Variants in TMC1 observed in about 807,000 individuals in gnomAD.
The protein encoded by TMC1 is transmembrane channel like 1, also known as transmembrane channel-like protein 1.
A neutral mutation model predicts 105.8 loss-of-function variants in TMC1; 84 were observed. The observed-to-expected ratio is 0.79, with a 90% CI of 0.67 to 0.95. The LOEUF is 0.95. TMC1 is among the 40% of genes least tolerant of loss of function. TMC1 has a pLI of 0.00. For missense variants in TMC1, 817 were observed against 914.1 expected, an observed-to-expected ratio of 0.89 and a Z score of 1.37; for synonymous variants, 315 against 311.5, an observed-to-expected ratio of 1.01 and a Z score of -0.12.
intron 8 of TMC1, among the ~76,000 whole-genome samples, chr9:72,733,421 C>T (rs1827247082): frequency 1.3e-5 from 2 of 151,980 alleles, no homozygotes; most frequent in African/African-American, 2.4e-5. Flanking sequence ...ACAATTCCCA[C>T]TTTCAATGGG....
intron 17 of TMC1, among the ~76,000 whole-genome samples, chr9:72,794,560 C>A (rs1413984651): frequency 6.6e-6 from 1 of 152,180 alleles, no homozygotes; most frequent in Non-Finnish European, 1.5e-5. Flanking sequence ...AAGTACTCAG[C>A]TTCAAATAAA....
intron 9 of TMC1, 95 bp from the exon 10 acceptor site, chr9:72,742,349 C>A: frequency 1.0e-6 from 1 of 961,728 alleles, no homozygotes; most frequent in East Asian, 2.5e-5. Context: ...GAGACATTTC[C>A]AAGCTTACTG....
At chr9:72,588,318 GGAT>G (rs1420468431) in intron 2 of TMC1, among the ~76,000 whole-genome samples, 1 of 149,432 alleles carries the variant, frequency 6.7e-6, no homozygotes, top group African/African-American at 2.4e-5. Flanking sequence ...GTTGCAATTT[GGAT>G]AGGGCTGTGT....
At chr9:72,794,330 C>T (rs1049482246) in intron 17 of TMC1, among the ~76,000 whole-genome samples, 1 of 152,088 alleles carries the variant, frequency 6.6e-6, no homozygotes, top group Non-Finnish European at 1.5e-5. Flanking sequence ...AGTGCCAAGC[C>T]GTAATCTACA....
chr9:72,714,893 C>T (rs574326573), intron 8 of TMC1, among the ~76,000 whole-genome samples: 18 of 152,064 alleles, frequency 1.2e-4, no homozygotes, highest in Non-Finnish European at 2.5e-4. Flanking sequence ...GTTTTTGCAG[C>T]GGCTGGTACT....
At chr9:72,531,365 A>G (rs1319899565) in intron 1 of TMC1, among the ~76,000 whole-genome samples, 1 of 152,200 alleles carries the variant, frequency 6.6e-6, no homozygotes, top group Non-Finnish European at 1.5e-5. Flanking sequence ...TTTTTTAAAC[A>G]CAATATGTAC....
At chr9:72,817,287 A>T (rs1321584897) in intron 19 of TMC1, 1 of 152,166 alleles carries the variant, frequency 6.6e-6, no homozygotes, top group Non-Finnish European at 1.5e-5. Flanking sequence ...CTCCTTTGTC[A>T]GGTAGGTTTA....
chr9:72,759,814 T>C (rs1323947310), intron 12 of TMC1, among the ~76,000 whole-genome samples: 1 of 152,228 alleles, frequency 6.6e-6, no homozygotes, highest in Admixed American at 6.5e-5. Flanking sequence ...CAGGGTCTTA[T>C]AGTTGTTAAG....
intron 12 of TMC1, among the ~76,000 whole-genome samples, chr9:72,768,957 A>G (rs1201425614): frequency 9.9e-5 from 15 of 152,186 alleles, no homozygotes; most frequent in Admixed American, 9.8e-4. Flanking sequence ...GGACCAGTCT[A>G]GGGTATAGAT....
At chr9:72,768,591 A>T (rs1000313336) in intron 12 of TMC1, among the ~76,000 whole-genome samples, 2 of 152,082 alleles carry the variant, frequency 1.3e-5, no homozygotes, top group Non-Finnish European at 2.9e-5. Flanking sequence ...ACTAATCATG[A>T]CTCTGCCTGC....
intron 23 of TMC1, among the ~76,000 whole-genome samples, chr9:72,834,686 T>C (rs1829094186): frequency 6.6e-6 from 1 of 152,172 alleles, no homozygotes; most frequent in African/African-American, 2.4e-5. Context: ...CTCCTTGTGG[T>C]CTTCTAACCC....
rs57741839 is a variant in TMC1, at chr9:72,607,002, T to TAGAG, written c.-305-9344_-305-9341dup. 2.8e-3 allele frequency among the ~76,000 whole-genome samples: 376 copies of TAGAG among 134,956 alleles called. 3 individuals carry two copies. The highest frequency in any genetic ancestry group is 8.6e-3 in the African/African-American group (307 of 35,752). 88.5% of individuals were successfully genotyped at this position (134,956 alleles called of 152,430 possible). A position where few individuals can be genotyped will look rare whatever the true frequency, so the allele number is the denominator to read the frequency against. ...GTGTGCATATATATATATATATATA[T>TAGAG]AGAGAGAGAGAGAGAGAGAGAGAGA... On this transcript the variant is annotated intron_variant, in intron 2 of 23. Coordinates refer to ENST00000297784, the MANE Select transcript of TMC1 (RefSeq NM_138691.3).
rs557339777 is a variant in TMC1 at position 72,818,315 on chromosome 9, C to T, written c.1763+2105C>T. On this transcript the variant is annotated intron_variant, in intron 19 of 23. Coordinates refer to ENST00000297784, the MANE Select transcript of TMC1 (RefSeq NM_138691.3). Reference sequence around the variant, plus strand: ...TTTACGCAGATGTTGTTAACATCAACATTTATAGATAAAATCCATTTTGCT... The same window carrying T: ...TTTACGCAGATGTTGTTAACATCAATATTTATAGATAAAATCCATTTTGCT... Among the ~76,000 whole-genome samples the T allele has an allele frequency of 1.3e-4, 20 of 152,280 alleles. No individual in the cohort carries two copies. In the South Asian group the frequency reaches 4.1e-3, roughly 32 times the overall value.
At chr9:72,791,786 G>A in intron 15 of TMC1, 100 bp from the exon 16 acceptor site, 1 of 982,394 alleles carries the variant, frequency 1.0e-6, no homozygotes, top group Non-Finnish European at 1.6e-6. Flanking sequence ...TCTTAAAAAA[G>A]ATCAAAGAAG....
At chr9:72,777,979 T>TA (rs2118144867) in intron 13 of TMC1, among the ~76,000 whole-genome samples, 1 of 152,354 alleles carries the variant, frequency 6.6e-6, no homozygotes, top group South Asian at 2.1e-4. Context: ...GTGGAACACC[T>TA]AGAATGGGTA....
rs140775687 is a variant in TMC1, at chr9:72,742,973, C to T, written c.535+448C>T. Among the ~76,000 whole-genome samples the T allele has an allele frequency of 5.5e-4, 84 of 152,316 alleles. No homozygotes were observed. The East Asian group carries it at 0.01, about 19-fold the overall frequency. ...GTCTTAGTCTGGGCGCAGTGGTTCA[C>T]GCCTGTAATCCCAGCACTTTGGGAG... On this transcript the variant is annotated intron_variant, in intron 10 of 23. Coordinates refer to ENST00000297784, the MANE Select transcript of TMC1 (RefSeq NM_138691.3).
chr9:72,558,140 ATTTCTCTCTCTCTCTCTCTTTCTCTC>A (rs1587955938), intron 1 of TMC1, among the ~76,000 whole-genome samples: 1 of 151,878 alleles, frequency 6.6e-6, no homozygotes, highest in African/African-American at 2.4e-5. Context: ...TTTGGTGAAC[ATTTCTCTCTCTCTCTCTCTTTCTCTC>A]TTTCTCTCTC....
intron 19 of TMC1, among the ~76,000 whole-genome samples, chr9:72,820,226 A>G (rs897141159): frequency 6.6e-6 from 1 of 152,364 alleles, no homozygotes; most frequent in African/African-American, 2.4e-5. Flanking sequence ...TTAAAACACC[A>G]TATCACCTAC....
At chr9:72,625,115 G>A (rs1203909717) in intron 3 of TMC1, among the ~76,000 whole-genome samples, 1 of 152,164 alleles carries the variant, frequency 6.6e-6, no homozygotes, top group Non-Finnish European at 1.5e-5. Flanking sequence ...GGGCCTTTGT[G>A]ACAGATCTGA....
Sources: gnomAD v4.1 joint callset for allele counts (sites outside exome capture counted in the v4.1 genomes callset) on GRCh38, gnomAD v4.1.1 for gene constraint, MANE v1.5 for transcripts, NCBI Gene and HGNC (gene_info 2026-07-23, HGNC 2026-07-21) for gene names.